The following TPCN1 variants were observed in gnomAD, a reference collection of about 807,000 sequenced individuals.
TPCN1 encodes two pore segment channel 1, also known as two pore channel protein 1.
A neutral mutation model predicts 108.8 loss-of-function variants in TPCN1; 52 were observed. The observed-to-expected ratio is 0.48, with a 90% CI of 0.38 to 0.60. The LOEUF (loss-of-function observed/expected upper bound fraction) is 0.60, where lower values mean the gene tolerates loss of function less well. TPCN1 is among the 20% of genes least tolerant of loss of function. The pLI, the probability that TPCN1 is intolerant of heterozygous loss-of-function variation, is 0.00. For synonymous variants in TPCN1, 446 were observed against 433.7 expected, an observed-to-expected ratio of 1.03 and a Z score of -0.35; for missense variants, 806 against 1,072.8, an observed-to-expected ratio of 0.75 and a Z score of 3.47.
At chr12:113,251,823 A>G (rs1954646297) in intron 2 of TPCN1, among the ~76,000 whole-genome samples, 1 of 152,204 alleles carries the variant, frequency 6.6e-6, no homozygotes, top group Non-Finnish European at 1.5e-5. Flanking sequence ...GTGGAGTGAC[A>G]CCGTGAGACT....
In TPCN1 at chr12:113,269,383, C is replaced by G. The variant is rs187768806; in HGVS notation, c.660-374C>G. On this transcript the variant is annotated intron_variant, in intron 6 of 27. Transcript: ENST00000335509. This position sits in a 1 kb window ranked among gnomAD's most constrained non-coding sequence, Gnocchi z 5.0. ...AGGACTCAGTGTCCTTGAAACAGGC[C>G]CAGTGTCCCAGGACTAAGTGGCCTT... Among the ~76,000 whole-genome samples, 1 of 152,198 alleles carries G rather than the reference C, an allele frequency of 6.6e-6. No homozygotes were observed. Among genetic ancestry groups the G allele is most frequent in the South Asian group, 2.1e-4 (1 of 4,824 alleles).
At chr12:113,255,118 A>G (rs1954785957) in intron 2 of TPCN1, among the ~76,000 whole-genome samples, 1 of 152,270 alleles carries the variant, frequency 6.6e-6, no homozygotes, top group African/African-American at 2.4e-5. Flanking sequence ...TTATTCTCAG[A>G]CAACATGATC....
intron 2 of TPCN1, 51 bp from the exon 3 acceptor site, chr12:113,260,317 T>G (rs756201193): frequency 1.2e-5 from 18 of 1,458,512 alleles, no homozygotes; most frequent in Non-Finnish European, 1.5e-5. Context: ...ACGGTGTCTT[T>G]TTGCTCTTAA....
chr12:113,295,851 G>A, intron 27 of TPCN1, 109 bp from the exon 28 acceptor site: 1 of 1,262,402 alleles, frequency 7.9e-7, no homozygotes, highest in Non-Finnish European at 1.1e-6. Context: ...GGTGAGGCTG[G>A]CAGCCCTGCC....
At chr12:113,250,693 G>C (rs1020412450) in intron 2 of TPCN1, among the ~76,000 whole-genome samples, 2 of 151,508 alleles carry the variant, frequency 1.3e-5, no homozygotes, top group African/African-American at 4.9e-5. Flanking sequence ...AGTGGCTCAC[G>C]CCTGTAATCC....
chr12:113,278,875 G>A (rs138144768), intron 14 of TPCN1, 40 bp downstream of exon 14: 23 of 1,587,662 alleles, frequency 1.4e-5, no homozygotes, highest in Non-Finnish European at 1.8e-5. Context: ...GCAGCTGGGG[G>A]CCGATGGAGG....
intron 2 of TPCN1, among the ~76,000 whole-genome samples, chr12:113,248,616 A>G (rs1026356895): frequency 1.3e-5 from 2 of 152,234 alleles, no homozygotes; most frequent in Non-Finnish European, 2.9e-5. Context: ...GGAGTGTTCC[A>G]GGCACGTTTC....
At position 113,268,003 on chromosome 12, in the gene TPCN1, A is replaced by G. The variant is rs1437157471; in HGVS notation, c.528+47A>G. On this transcript the variant is annotated intron_variant, in intron 5 of 27. Coordinates refer to ENST00000335509, the MANE Select transcript of TPCN1 (RefSeq NM_017901.6). This position sits in a 1 kb window ranked among gnomAD's most constrained non-coding sequence, Gnocchi z 7.3. ...CCCTCCCCTCACAGCCTTTTCTCCC[A>G]TGTCACCTTCAAACCTGTCTCTTTG... is the stretch of plus-strand genomic sequence containing the variant. The G allele has an allele frequency of 7.7e-7, 1 of 1,302,992 alleles. No homozygotes were observed. The highest frequency in any genetic ancestry group is 1.5e-5 in the African/African-American group (1 of 68,486). 80.7% of individuals were successfully genotyped at this position (1,302,992 alleles called of 1,614,324 possible). A position where few individuals can be genotyped will look rare whatever the true frequency, so the allele number is the denominator to read the frequency against.
chr12:113,283,138 A>T (rs973377981), intron 15 of TPCN1, among the ~76,000 whole-genome samples: 14 of 152,224 alleles, frequency 9.2e-5, no homozygotes, highest in African/African-American at 2.7e-4. Flanking sequence ...ATCTACCAAA[A>T]AAAGTATATT....
intron 2 of TPCN1, among the ~76,000 whole-genome samples, chr12:113,254,468 C>T (rs1018924223): frequency 2.6e-5 from 4 of 152,174 alleles, no homozygotes; most frequent in Non-Finnish European, 4.4e-5. Context: ...GATAATACAT[C>T]ATGACTAGGG....
At chr12:113,247,440 C>G (rs369634953) in intron 2 of TPCN1, among the ~76,000 whole-genome samples, 33 of 152,326 alleles carry the variant, frequency 2.2e-4, no homozygotes, top group East Asian at 1.7e-3. Flanking sequence ...AGAAAGCTGC[C>G]GAGCCTTCGA....
In TPCN1 at chr12:113,269,004, ACT is replaced by A; in HGVS notation, c.659+136_659+137del. The A allele has an allele frequency of 9.8e-7, 1 of 1,025,130 alleles. No individual in the cohort carries two copies. The highest frequency in any genetic ancestry group is 1.5e-5 in the South Asian group (1 of 67,002). The allele number at this position is 1,025,130 out of a possible 1,614,324, so 63.5% of individuals were successfully genotyped here. ...ATGCTGGTGGAGTACACGCAGACTC[ACT>A]CTCCCTCTGCCATTCCATCCACGCA... On this transcript the variant is annotated intron_variant, in intron 6 of 27. Coordinates refer to ENST00000335509, the MANE Select transcript of TPCN1 (RefSeq NM_017901.6). This position sits in a 1 kb window ranked among gnomAD's most constrained non-coding sequence, Gnocchi z 5.0.
chr12:113,288,533 G>A lies in TPCN1; in HGVS notation c.1707-225G>A. 6.7e-7 allele frequency: 1 copy of A among 1,484,210 alleles called. No homozygotes were observed. The highest frequency in any genetic ancestry group is 2.5e-5 in the East Asian group (1 of 40,260). The allele number at this position is 1,484,210 out of a possible 1,614,324, so 91.9% of individuals were successfully genotyped here. A position where few individuals can be genotyped will look rare whatever the true frequency, so the allele number is the denominator to read the frequency against. ...TGTGAGTCTACCTTCACAGGTAAGGGGTGAATCTCTGGGAAAGGGGCATTT... is the reference window on the plus strand; with the variant it reads ...TGTGAGTCTACCTTCACAGGTAAGGAGTGAATCTCTGGGAAAGGGGCATTT... On this transcript the variant is annotated intron_variant, in intron 20 of 27. Coordinates refer to ENST00000335509, the MANE Select transcript of TPCN1 (RefSeq NM_017901.6). The surrounding 1 kb of genome is among the most constrained non-coding windows in gnomAD (Gnocchi z 4.8).
At chr12:113,228,712 A>G (rs1176028549) in intron 2 of TPCN1, among the ~76,000 whole-genome samples, 1 of 152,190 alleles carries the variant, frequency 6.6e-6, no homozygotes, top group Non-Finnish European at 1.5e-5. Flanking sequence ...AGAGGAGGAG[A>G]CAGGCTCAGA....
chr12:113,277,416 C>A, intron 12 of TPCN1, 52 bp downstream of exon 12: 1 of 1,607,554 alleles, frequency 6.2e-7, no homozygotes, highest in Middle Eastern at 1.7e-4. Flanking sequence ...GTGTTCACGT[C>A]TAGAGTGAAC....
intron 2 of TPCN1, among the ~76,000 whole-genome samples, chr12:113,230,109 A>G (rs572360723): frequency 6.6e-6 from 1 of 152,140 alleles, no homozygotes; most frequent in African/African-American, 2.4e-5. Flanking sequence ...TCCTGCTGAT[A>G]ACACCATCTC....
At chr12:113,260,187 C>T in intron 2 of TPCN1, 181 bp from the exon 3 acceptor site, 1 of 574,476 alleles carries the variant, frequency 1.7e-6, no homozygotes, top group Non-Finnish European at 2.7e-6. Flanking sequence ...GAAAGGAAAA[C>T]ATTTGTAACC....
rs774489224 is a variant in TPCN1 at position 113,273,712 on chromosome 12, A to G, written c.942+44A>G. On this transcript the variant is annotated intron_variant, in intron 10 of 27. Transcript: ENST00000335509. This position sits in a 1 kb window ranked among gnomAD's most constrained non-coding sequence, Gnocchi z 4.0. ...GGCTACGCTGAAGCAGCCTGCCCCT[A>G]CCCATGCAGCACTAGGCACTGTGGG... 1 of 1,471,716 alleles carries G rather than the reference A, an allele frequency of 6.8e-7. No homozygotes were observed. Among genetic ancestry groups the G allele is most frequent in the Non-Finnish European group, 9.5e-7 (1 of 1,052,020 alleles). 91.2% of individuals were successfully genotyped at this position (1,471,716 alleles called of 1,614,324 possible).
At chr12:113,245,559 C>T (rs1365998992) in intron 2 of TPCN1, among the ~76,000 whole-genome samples, 2 of 124,564 alleles carry the variant, frequency 1.6e-5, no homozygotes, top group Non-Finnish European at 3.3e-5. Flanking sequence ...CGAGATCGCG[C>T]CACTGCACTC....
Sources: allele counts gnomAD v4.1 joint callset (sites outside exome capture counted in the v4.1 genomes callset), GRCh38; gene constraint gnomAD v4.1.1; non-coding constraint Gnocchi (gnomAD v3.1); transcripts MANE v1.5; gene names NCBI Gene and HGNC (gene_info 2026-07-23, HGNC 2026-07-21).